The following ATP13A5 variants were observed in gnomAD, a reference collection of about 807,000 sequenced individuals.
ATP13A5 encodes the protein probable cation-transporting ATPase 13A5.
In ATP13A5, 149 loss-of-function variants were observed where a neutral mutation model predicts 150.2. The observed-to-expected ratio is 0.99, with a 90% CI of 0.87 to 1.14. ATP13A5 has a LOEUF of 1.14. Ranked by LOEUF, ATP13A5 falls within the 50% of genes most tolerant of loss-of-function variation. ATP13A5 has a pLI of 0.00. For synonymous variants in ATP13A5, 497 were observed against 522.2 expected, an observed-to-expected ratio of 0.95 and a Z score of 0.66; for missense variants, 1,383 against 1,449.3, an observed-to-expected ratio of 0.95 and a Z score of 0.74.
intron 13 of ATP13A5, among the ~76,000 whole-genome samples, chr3:193,325,542 A>G (rs1719438510): frequency 1.3e-5 from 2 of 152,330 alleles, no homozygotes; most frequent in South Asian, 4.1e-4. Context: ...GGCACTGAAC[A>G]GGCAGCTGGG....
chr3:193,319,451 G>C (rs1188566199), intron 16 of ATP13A5, among the ~76,000 whole-genome samples: 1 of 152,192 alleles, frequency 6.6e-6, no homozygotes, highest in Non-Finnish European at 1.5e-5. Context: ...TCGTGAATGA[G>C]ATTGATGCCC....
At chr3:193,340,107 T>C (rs1712059532) in intron 9 of ATP13A5, among the ~76,000 whole-genome samples, 1 of 152,210 alleles carries the variant, frequency 6.6e-6, no homozygotes, top group Admixed American at 6.5e-5. Context: ...AAGAGAGTTT[T>C]AGAGGAAAGA....
At chr3:193,324,715 G>T (rs1719408155) in intron 14 of ATP13A5, 149 bp downstream of exon 14, 1 of 784,326 alleles carries the variant, frequency 1.3e-6, no homozygotes, top group African/African-American at 1.7e-5. Context: ...TTCTTTGGGG[G>T]CACAGGTTGG....
At chr3:193,280,439 A>G (rs1008498113) in intron 27 of ATP13A5, among the ~76,000 whole-genome samples, 1 of 152,182 alleles carries the variant, frequency 6.6e-6, no homozygotes, top group African/African-American at 2.4e-5. Context: ...AGTATGTATC[A>G]TATTCTGCTT....
At chr3:193,318,898 T>C in intron 17 of ATP13A5, 93 bp downstream of exon 17, 1 of 865,590 alleles carries the variant, frequency 1.2e-6, no homozygotes, top group Non-Finnish European at 1.9e-6. Context: ...CTGAGAGCCT[T>C]CCAGGTGATT....
Position 193,362,649 on chromosome 3 carries a change from A to G in ATP13A5, c.385-12T>C. 6.2e-7 allele frequency: 1 copy of G among 1,613,552 alleles called. No homozygotes were observed. The highest frequency in any genetic ancestry group is 1.3e-5 in the African/African-American group (1 of 75,056). On this transcript the variant is annotated splice_polypyrimidine_tract_variant and intron_variant, in intron 3 of 29. Coordinates refer to ENST00000342358, the MANE Select transcript of ATP13A5 (RefSeq NM_198505.4). The stretch of plus-strand genomic sequence containing the variant: ...TCCATGCACCGCAGCTACGATTGCA[A>G]ATGTGATAGAGCAGGTGTCATTCAC...
intron 24 of ATP13A5, among the ~76,000 whole-genome samples, chr3:193,299,640 G>A (rs796606853): frequency 2.0e-5 from 3 of 152,266 alleles, no homozygotes; most frequent in African/African-American, 7.2e-5. Flanking sequence ...GTCTCTTGGA[G>A]TCCATTCACT....
chr3:193,284,408 T>G (rs1717632107), intron 27 of ATP13A5, among the ~76,000 whole-genome samples: 1 of 152,102 alleles, frequency 6.6e-6, no homozygotes, highest in Non-Finnish European at 1.5e-5. Flanking sequence ...GTAAGTAAGA[T>G]TTTTTGAGCC....
chr3:193,307,082 T>C lies in ATP13A5; in HGVS notation c.2568+245A>G, dbSNP rs1027494563. Reference sequence around the variant, plus strand: ...AGTTCCATCTTTGGAACCTGAAATATGGGAGTCTAAGTAGCCTTCCTTTGT... The same window carrying C: ...AGTTCCATCTTTGGAACCTGAAATACGGGAGTCTAAGTAGCCTTCCTTTGT... On this transcript the variant is annotated intron_variant, in intron 22 of 29. Transcript: ENST00000342358. The C allele has an allele frequency of 1.7e-5, 17 of 983,744 alleles. 1 individual carries two copies. The highest frequency in any genetic ancestry group is 1.9e-5 in the Non-Finnish European group (16 of 828,504). The allele number at this position is 983,744 out of a possible 1,614,324, so 60.9% of individuals were successfully genotyped here.
chr3:193,281,164 G>T, intron 27 of ATP13A5: 1 of 985,170 alleles, frequency 1.0e-6, no homozygotes, highest in African/African-American at 1.7e-5. Context: ...TCAGGAAATA[G>T]CTGTGTGGAT....
intron 5 of ATP13A5, among the ~76,000 whole-genome samples, chr3:193,360,106 A>G (rs1273665734): frequency 6.6e-6 from 1 of 152,188 alleles, no homozygotes; most frequent in Non-Finnish European, 1.5e-5. Context: ...TGACCTGCCT[A>G]GGACAGGCAC....
At position 193,370,949 on chromosome 3, in the gene ATP13A5, T is replaced by C. The variant is rs538806296; in HGVS notation, c.64-6669A>G. Among the ~76,000 whole-genome samples, 138 of 152,336 alleles carry C rather than the reference T, an allele frequency of 9.1e-4. 1 individual carries two copies. The highest frequency in any genetic ancestry group is 3.3e-3 in the African/African-American group (137 of 41,580). On this transcript the variant is annotated intron_variant, in intron 1 of 29. Coordinates refer to ENST00000342358, the MANE Select transcript of ATP13A5 (RefSeq NM_198505.4). ...ACCCAATACAAAAGAGATGAACATA[T>C]CCCACTCTTGGCTACAGGTATTCCC...
intron 9 of ATP13A5, among the ~76,000 whole-genome samples, chr3:193,337,906 A>T (rs141824076): frequency 2.0e-5 from 3 of 151,952 alleles, no homozygotes; most frequent in Non-Finnish European, 4.4e-5. Context: ...CTTTTATTTC[A>T]TTGAGCAGTG....
At chr3:193,310,846 A>C (rs1718817946) in intron 20 of ATP13A5, 129 bp from the exon 21 acceptor site, 1 of 579,618 alleles carries the variant, frequency 1.7e-6, no homozygotes, top group Non-Finnish European at 2.9e-6. Context: ...TCATTAGACC[A>C]ATACCAGGAA....
chr3:193,357,147 T>C (rs1287333412), intron 5 of ATP13A5, among the ~76,000 whole-genome samples: 3 of 152,130 alleles, frequency 2.0e-5, no homozygotes, highest in Admixed American at 6.5e-5. Context: ...TGTCTAAAAA[T>C]CTAGCACTAG....
chr3:193,292,021 T>C (rs1183080451), intron 25 of ATP13A5, among the ~76,000 whole-genome samples: 3 of 151,974 alleles, frequency 2.0e-5, no homozygotes, highest in Non-Finnish European at 4.4e-5. Context: ...GAAGTTCAGG[T>C]GGTATCGAGA....
Position 193,322,571 on chromosome 3 carries a change from T to C in ATP13A5, c.1678A>G (p.Met560Val), listed in dbSNP as rs776807207. The C allele has an allele frequency of 2.2e-5, 36 of 1,604,826 alleles. No homozygotes were observed. Among genetic ancestry groups the C allele is most frequent in the Non-Finnish European group, 2.9e-5 (34 of 1,173,282 alleles). ...CAGGAGTCTACAATGCAATCTTCCA[T>C]TTTCTGTTATAAAATGAAAACATTC... The part of the protein sequence containing the change: ...LKMFEGTAWK[M>V]EDCIVDSCKF... Residue 560 changes from methionine to valine, a missense_variant, in exon 15 of 30, where the codon ATG becomes GTG. Met to Val is a conservative substitution (Grantham distance 21, BLOSUM62 1). Around this residue, in one of 3 missense-constraint regions of ATP13A5, gnomAD observed 787 missense variants for 771.9 expected, o/e 1.02. Transcript: ENST00000342358.
chr3:193,347,359 G>T (rs942850157), intron 7 of ATP13A5, among the ~76,000 whole-genome samples: 2 of 150,634 alleles, frequency 1.3e-5, no homozygotes, highest in African/African-American at 4.9e-5. Flanking sequence ...AATAAAAGGG[G>T]GTTGAAAAAT....
rs148442348 is a variant in ATP13A5, at chr3:193,335,402, T to C, written c.944-303A>G. Among the ~76,000 whole-genome samples the C allele has an allele frequency of 4.4e-4, 67 of 152,354 alleles. No individual in the cohort carries two copies. In the East Asian group the frequency reaches 8.9e-3, roughly 20 times the overall value. ...ACTGAATCATTCTCCCAAGCATTCA[T>C]TAAGCCCAGCACTATTTTAGGCAAT... On this transcript the variant is annotated intron_variant, in intron 9 of 29. Coordinates refer to ENST00000342358, the MANE Select transcript of ATP13A5 (RefSeq NM_198505.4).
Sources: gnomAD v4.1 joint callset for allele counts (sites outside exome capture counted in the v4.1 genomes callset) on GRCh38, gnomAD v4.1.1 for gene constraint, gnomAD v4.1.1 regional missense constraint, MANE v1.5 for transcripts, NCBI Gene and HGNC (gene_info 2026-07-23, HGNC 2026-07-21) for gene names.